The following PKHD1 variants were observed in gnomAD, a reference collection of about 807,000 sequenced individuals.
PKHD1 encodes fibrocystin.
PKHD1 carries 291 observed loss-of-function variants against 412.0 expected under a neutral mutation model. The ratio of observed to expected loss-of-function variants is 0.71; its 90% confidence interval spans 0.64 to 0.78. The LOEUF (loss-of-function observed/expected upper bound fraction) is 0.78, where lower values mean the gene tolerates loss of function less well. Among genes scored for constraint, PKHD1 ranks in the 30% least tolerant of loss-of-function variants. The pLI, the probability that PKHD1 is intolerant of heterozygous loss-of-function variation, is 0.00. For missense variants in PKHD1, 4,825 were observed against 4,950.7 expected, an observed-to-expected ratio of 0.97 and a Z score of 0.76; for synonymous variants, 1,777 against 1,821.5, an observed-to-expected ratio of 0.98 and a Z score of 0.62.
chr6:51,778,919 T>G (rs1791513942), intron 53 of PKHD1, among the ~76,000 whole-genome samples: 1 of 152,058 alleles, frequency 6.6e-6, no homozygotes, highest in South Asian at 2.1e-4. Flanking sequence ...TGTTTTACCT[T>G]CATCTTAACT....
chr6:51,728,008 A>G (rs2150870751), intron 60 of PKHD1, among the ~76,000 whole-genome samples: 1 of 152,286 alleles, frequency 6.6e-6, no homozygotes, highest in South Asian at 2.1e-4. Flanking sequence ...TGTGCTGTGA[A>G]TCTCAATTCC....
rs376364286 is a variant in PKHD1 at position 52,053,303 on chromosome 6, T to A, written c.1965-52A>T. 6.1e-4 allele frequency: 970 copies of A among 1,586,564 alleles called. 1 individual carries two copies. The highest frequency in any genetic ancestry group is 2.2e-3 in the Middle Eastern group (12 of 5,376). On this transcript the variant is annotated intron_variant, in intron 20 of 66. Coordinates refer to ENST00000371117, the MANE Select transcript of PKHD1 (RefSeq NM_138694.4). ...GGCTCTCAGGGAGCACTTGCAGTCC[T>A]CTCCGGTTAGAGCCCTTGTTCCCAA... is the stretch of plus-strand genomic sequence containing the variant.
In PKHD1 at chr6:51,659,938, G is replaced by GT; in HGVS notation, c.10187dup (p.Tyr3396Ter). The change falls in exon 61 of 67, where the codon TAC becomes TAAC. Residue 3396 changes from tyrosine to a stop codon, truncating the protein, a stop_gained and frameshift_variant. Transcript: ENST00000371117. LOFTEE classifies it high-confidence loss of function. ...AGATGAATCCTTGCATCAGAAATTG[G>GT]TATGTACATTTCTGTTCTTCTCTAA... ...GTFREEQKCT[Y>*]QFLMQGFICK... 1 of 1,609,948 alleles carries GT rather than the reference G, an allele frequency of 6.2e-7. No individual in the cohort carries two copies. Among genetic ancestry groups the GT allele is most frequent in the African/African-American group, 1.3e-5 (1 of 74,932 alleles).
Position 51,961,707 on chromosome 6 carries a change from C to T in PKHD1, c.5752-1681G>A, listed in dbSNP as rs145308187. On this transcript the variant is annotated intron_variant, in intron 35 of 66. Coordinates refer to ENST00000371117, the MANE Select transcript of PKHD1 (RefSeq NM_138694.4). Reference sequence around the variant, plus strand: ...CTGGAATGAAAGAAGGTGGGAAAAACAGAGATGGTAAAGTAAACTGCAGAA... The same window carrying T: ...CTGGAATGAAAGAAGGTGGGAAAAATAGAGATGGTAAAGTAAACTGCAGAA... Among the ~76,000 whole-genome samples the T allele has an allele frequency of 9.2e-5, 14 of 152,116 alleles. 1 individual carries two copies. In the East Asian group the frequency reaches 1.9e-3, roughly 21 times the overall value.
chr6:51,895,420 G>T (rs1779750835), intron 43 of PKHD1, among the ~76,000 whole-genome samples: 1 of 152,202 alleles, frequency 6.6e-6, no homozygotes, highest in Non-Finnish European at 1.5e-5. Flanking sequence ...AATGCTGATA[G>T]CCCAACAGAA....
intron 46 of PKHD1, among the ~76,000 whole-genome samples, chr6:51,881,693 A>G (rs756021599): frequency 1.1e-4 from 16 of 152,324 alleles, no homozygotes; most frequent in South Asian, 2.1e-4. Context: ...CATGAACCTT[A>G]AACTGCCATT....
At chr6:51,749,320 AG>A (rs1785707792) in intron 57 of PKHD1, among the ~76,000 whole-genome samples, 1 of 151,932 alleles carries the variant, frequency 6.6e-6, no homozygotes, top group South Asian at 2.1e-4. Flanking sequence ...CATTTTTATA[AG>A]ATTTTCTATA....
At chr6:51,846,118 T>C (rs1245259511) in intron 50 of PKHD1, among the ~76,000 whole-genome samples, 1 of 152,246 alleles carries the variant, frequency 6.6e-6, no homozygotes, top group Non-Finnish European at 1.5e-5. Flanking sequence ...GTTACATTTA[T>C]GAATGGATCA....
chr6:51,990,695 C>T (rs115846291), intron 35 of PKHD1, among the ~76,000 whole-genome samples: 2,207 of 152,188 alleles, frequency 0.015, 57 homozygotes, highest in African/African-American at 0.049. Context: ...TTTATGAACT[C>T]ATTTATTTTC....
intron 57 of PKHD1, among the ~76,000 whole-genome samples, chr6:51,751,864 A>C (rs1177975845): frequency 2.0e-5 from 3 of 152,194 alleles, no homozygotes. Flanking sequence ...AATAAGATAA[A>C]ATTTTCACTG....
At chr6:51,745,961 G>A (rs954935321) in intron 59 of PKHD1, among the ~76,000 whole-genome samples, 6 of 152,140 alleles carry the variant, frequency 3.9e-5, no homozygotes, top group African/African-American at 1.4e-4. Context: ...CCAAACACAT[G>A]AATGTTCTAA....
At chr6:52,038,959 T>C (rs1285472491) in intron 27 of PKHD1, among the ~76,000 whole-genome samples, 1 of 152,188 alleles carries the variant, frequency 6.6e-6, no homozygotes, top group Admixed American at 6.5e-5. Flanking sequence ...ACTCACACAA[T>C]GGGAGAAAAT....
At chr6:51,780,898 AT>A (rs1478871149) in intron 53 of PKHD1, among the ~76,000 whole-genome samples, 1 of 152,200 alleles carries the variant, frequency 6.6e-6, no homozygotes, top group African/African-American at 2.4e-5. Context: ...AACAAATTGT[AT>A]TTTTATATAA....
At chr6:51,979,260 C>T (rs1408885784) in intron 35 of PKHD1, among the ~76,000 whole-genome samples, 1 of 152,172 alleles carries the variant, frequency 6.6e-6, no homozygotes, top group Non-Finnish European at 1.5e-5. Context: ...TTAAGAGCTG[C>T]TCATCTCTCA....
At chr6:51,918,103 GC>G (rs1784109146) in intron 37 of PKHD1, among the ~76,000 whole-genome samples, 1 of 151,956 alleles carries the variant, frequency 6.6e-6, no homozygotes. Context: ...AGAGGACTGG[GC>G]AAAATAATGC....
At chr6:51,915,822 T>C (rs1182335459) in intron 37 of PKHD1, among the ~76,000 whole-genome samples, 3 of 151,988 alleles carry the variant, frequency 2.0e-5, no homozygotes, top group African/African-American at 7.2e-5. Context: ...AGATGCCTCA[T>C]GGTGACTAAG....
At chr6:52,078,778 C>A (rs1200165390) in intron 5 of PKHD1, among the ~76,000 whole-genome samples, 1 of 152,220 alleles carries the variant, frequency 6.6e-6, no homozygotes, top group Non-Finnish European at 1.5e-5. Flanking sequence ...TTGGACTTCT[C>A]TCTTCTGTTA....
At position 52,072,168 on chromosome 6, in the gene PKHD1, T is replaced by C. The variant is rs1416527428; in HGVS notation, c.549A>G (p.Gln183=). The part of the protein sequence containing the change: ...YIDSPVILEA[Q]GDKWVTPCSL... ...AGCAAGGAGTAACCCATTTGTCTCC[T>C]TGAGCTTCCAAGATCACTGGGCTGG... Residue 183 remains glutamine (Q), a synonymous_variant, in exon 8 of 67, where the codon CAA becomes CAG. Transcript: ENST00000371117. The C allele has an allele frequency of 6.2e-7, 1 of 1,608,882 alleles. No homozygotes were observed. The highest frequency in any genetic ancestry group is 1.1e-5 in the South Asian group (1 of 90,984).
intron 46 of PKHD1, among the ~76,000 whole-genome samples, chr6:51,873,670 A>G (rs1776367623): frequency 6.6e-6 from 1 of 152,222 alleles, no homozygotes; most frequent in Non-Finnish European, 1.5e-5. Context: ...GTAAGGAAAG[A>G]AGCTAAAGGA....
Sources: gnomAD v4.1 joint callset for allele counts (sites outside exome capture counted in the v4.1 genomes callset) on GRCh38, gnomAD v4.1.1 for gene constraint, MANE v1.5 for transcripts, NCBI Gene and HGNC (gene_info 2026-07-23, HGNC 2026-07-21) for gene names.